The following CEP112 variants were observed in gnomAD, a reference collection of about 807,000 sequenced individuals.
CEP112 encodes the protein centrosomal protein 112.
In CEP112, 127 loss-of-function variants were observed where a neutral mutation model predicts 153.0. The observed-to-expected ratio is 0.83, with a 90% CI of 0.72 to 0.96. CEP112 has a LOEUF of 0.96. Ranked by LOEUF, CEP112 falls within the 40% of genes least tolerant of loss-of-function variation. The probability of loss-of-function intolerance (pLI) is 0.00; values close to 1 mark genes in which losing one functional copy is unlikely to be tolerated. For missense variants in CEP112, 1,089 were observed against 1,101.2 expected, an observed-to-expected ratio of 0.99 and a Z score of 0.16; for synonymous variants, 358 against 374.4, an observed-to-expected ratio of 0.96 and a Z score of 0.51.
chr17:66,084,362 A>G (rs1740262840), intron 8 of CEP112, among the ~76,000 whole-genome samples: 1 of 152,216 alleles, frequency 6.6e-6, no homozygotes, highest in Non-Finnish European at 1.5e-5. Context: ...TTGCACTCCC[A>G]TGTTTATTGC....
intron 10 of CEP112, among the ~76,000 whole-genome samples, chr17:66,066,264 T>C (rs1465933551): frequency 6.6e-6 from 1 of 152,184 alleles, no homozygotes; most frequent in East Asian, 1.9e-4. Context: ...TTTCTTTTCC[T>C]TCTTAATTAA....
chr17:66,119,745 C>G (rs934655748), intron 6 of CEP112, among the ~76,000 whole-genome samples: 1 of 152,166 alleles, frequency 6.6e-6, no homozygotes, highest in Admixed American at 6.5e-5. Context: ...TTTCATCACA[C>G]TTGAGTAAAT....
At chr17:65,973,181 C>A (rs865960067) in intron 17 of CEP112, among the ~76,000 whole-genome samples, 101 of 152,290 alleles carry the variant, frequency 6.6e-4, no homozygotes, top group African/African-American at 2.4e-3. Context: ...ACCTTTGTGA[C>A]CTTGGGTTAG....
Position 65,762,733 on chromosome 17 carries a change from A to AT in CEP112, c.2395-12010dup, listed in dbSNP as rs530648058. On this transcript the variant is annotated intron_variant, in intron 21 of 26. Coordinates refer to ENST00000535342, the MANE Select transcript of CEP112 (RefSeq NM_001199165.4). ...AAATAATCCTAATTTACTCCTTGTT[A>AT]TTTTTTGTATTACTGCTGTCATTCA... Among the ~76,000 whole-genome samples the AT allele has an allele frequency of 1.3e-4, 19 of 151,976 alleles. No homozygotes were observed. The East Asian group carries it at 2.1e-3, about 17-fold the overall frequency.
intron 20 of CEP112, among the ~76,000 whole-genome samples, chr17:65,895,743 T>C (rs915977831): frequency 1.3e-5 from 2 of 152,076 alleles, no homozygotes. Context: ...GAATCATAGG[T>C]TTCTTATCTG....
intron 23 of CEP112, among the ~76,000 whole-genome samples, chr17:65,696,900 A>T (rs887483588): frequency 6.6e-6 from 1 of 152,184 alleles, no homozygotes; most frequent in African/African-American, 2.4e-5. Context: ...TACTTTGGAG[A>T]AAACAGATGA....
At chr17:66,041,611 A>G (rs566950197) in intron 12 of CEP112, among the ~76,000 whole-genome samples, 1 of 152,242 alleles carries the variant, frequency 6.6e-6, no homozygotes, top group African/African-American at 2.4e-5. Flanking sequence ...GCACACAGAT[A>G]TTGGTTTCCA....
At chr17:65,735,707 C>A (rs232091) in intron 23 of CEP112, among the ~76,000 whole-genome samples, 2,570 of 152,134 alleles carry the variant, frequency 0.017, 64 homozygotes, top group African/African-American at 0.058. Context: ...ATGTTAAAGC[C>A]TTGTTTTGTG....
intron 17 of CEP112, among the ~76,000 whole-genome samples, chr17:66,000,832 T>A (rs1568362200): frequency 6.6e-6 from 1 of 152,180 alleles, no homozygotes; most frequent in Non-Finnish European, 1.5e-5. Context: ...AATAGGAACA[T>A]CTGGTGGAAC....
chr17:65,658,694 G>A (rs934378415), intron 24 of CEP112, among the ~76,000 whole-genome samples: 2 of 152,038 alleles, frequency 1.3e-5, no homozygotes, highest in Non-Finnish European at 2.9e-5. Flanking sequence ...CTGTAGCCTC[G>A]GGAATGGAAG....
chr17:66,003,134 G>C (rs12939175), intron 17 of CEP112, among the ~76,000 whole-genome samples: 62,488 of 152,032 alleles, frequency 0.41, 14,308 homozygotes, highest in East Asian at 0.87. Flanking sequence ...GTACTGTACT[G>C]TTAAGATCAT....
At chr17:65,780,177 A>G (rs961018336) in intron 21 of CEP112, among the ~76,000 whole-genome samples, 1 of 152,136 alleles carries the variant, frequency 6.6e-6, no homozygotes, top group Non-Finnish European at 1.5e-5. Flanking sequence ...ATAATTCAGG[A>G]CTAATTTTCT....
chr17:65,647,693 G>A (rs563649968), intron 24 of CEP112, among the ~76,000 whole-genome samples: 1 of 150,952 alleles, frequency 6.6e-6, no homozygotes, highest in African/African-American at 2.4e-5. Context: ...ATGTTGCCTA[G>A]GCTGGTCTCA....
chr17:65,866,904 A>C (rs1013674098), intron 20 of CEP112, among the ~76,000 whole-genome samples: 8 of 152,064 alleles, frequency 5.3e-5, no homozygotes, highest in African/African-American at 1.4e-4. Flanking sequence ...TGCATACCTC[A>C]TTCTTCCTGG....
chr17:65,860,717 T>C (rs1331662760), intron 20 of CEP112, among the ~76,000 whole-genome samples: 1 of 152,194 alleles, frequency 6.6e-6, no homozygotes, highest in African/African-American at 2.4e-5. Context: ...GCCCCTATCT[T>C]ACACAATGGA....
At chr17:65,698,844 G>A (rs187050780) in intron 23 of CEP112, among the ~76,000 whole-genome samples, 2 of 152,302 alleles carry the variant, frequency 1.3e-5, no homozygotes, top group East Asian at 3.9e-4. Flanking sequence ...GTGGAACAGA[G>A]TGTTAACTGT....
intron 19 of CEP112, among the ~76,000 whole-genome samples, chr17:65,924,244 G>A (rs1406488308): frequency 2.6e-5 from 4 of 152,064 alleles, no homozygotes; most frequent in Non-Finnish European, 5.9e-5. Flanking sequence ...CCAAAGTGCT[G>A]GGATTACAGG....
In CEP112 at chr17:66,072,624, G is replaced by A. The variant is rs550267671; in HGVS notation, c.769-2623C>T. On this transcript the variant is annotated intron_variant, in intron 8 of 26. Coordinates refer to ENST00000535342, the MANE Select transcript of CEP112 (RefSeq NM_001199165.4). Reference sequence around the variant, plus strand: ...CTTTTTCATTGCATCATATTAGAAGGAGGCTAGTTTGTCCCAATATCTCCA... The same window carrying A: ...CTTTTTCATTGCATCATATTAGAAGAAGGCTAGTTTGTCCCAATATCTCCA... Among the ~76,000 whole-genome samples, 10 of 152,276 alleles carry A rather than the reference G, an allele frequency of 6.6e-5. No homozygotes were observed. In the South Asian group the frequency reaches 2.1e-3, roughly 32 times the overall value.
At chr17:65,677,006 C>T (rs1292615276) in intron 24 of CEP112, among the ~76,000 whole-genome samples, 2 of 152,108 alleles carry the variant, frequency 1.3e-5, no homozygotes, top group Non-Finnish European at 2.9e-5. Context: ...ATATCTGTGC[C>T]CTTCCCAACA....
Sources: allele counts gnomAD v4.1 joint callset (sites outside exome capture counted in the v4.1 genomes callset), GRCh38; gene constraint gnomAD v4.1.1; transcripts MANE v1.5; gene names NCBI Gene and HGNC (gene_info 2026-07-23, HGNC 2026-07-21).